Variants in NMBR observed in about 807,000 individuals in gnomAD.
NMBR encodes the protein neuromedin B receptor, also known as neuromedin-B receptor.
NMBR carries 16 observed loss-of-function variants against 20.5 expected under a neutral mutation model. That is an observed-to-expected ratio of 0.78 (90% CI 0.53 to 1.19). The LOEUF is 1.19. Among genes scored for constraint, NMBR ranks in the 50% most tolerant of loss-of-function variants. The probability of loss-of-function intolerance (pLI) is 0.00; values close to 1 mark genes in which losing one functional copy is unlikely to be tolerated. For synonymous variants in NMBR, 212 were observed against 196.6 expected, an observed-to-expected ratio of 1.08 and a Z score of -0.65; for missense variants, 582 against 499.1, an observed-to-expected ratio of 1.17 and a Z score of -1.58.
At chr6:142,106,614 C>G (rs1286655268) in intron 1 of NMBR, among the ~76,000 whole-genome samples, 1 of 152,136 alleles carries the variant, frequency 6.6e-6, no homozygotes, top group Non-Finnish European at 1.5e-5. Flanking sequence ...TTTCTTTTCC[C>G]CATTCAGACT....
chr6:142,081,854 G>GATAT, intron 2 of NMBR, among the ~76,000 whole-genome samples: 1 of 152,178 alleles, frequency 6.6e-6, no homozygotes, highest in Admixed American at 6.5e-5. Context: ...GTCTCAGGAG[G>GATAT]ATATCCCTAA....
At chr6:142,105,495 T>G (rs535050435) in intron 1 of NMBR, among the ~76,000 whole-genome samples, 7 of 152,236 alleles carry the variant, frequency 4.6e-5, no homozygotes, top group Non-Finnish European at 7.3e-5. Context: ...ATAAACCTTT[T>G]GTTTTACATT....
intron 1 of NMBR, among the ~76,000 whole-genome samples, chr6:142,128,116 C>T (rs1160339800): frequency 7.9e-5 from 12 of 151,884 alleles, no homozygotes; most frequent in Non-Finnish European, 1.5e-4. Flanking sequence ...AGTGAGTGCT[C>T]GTGAGATCTG....
At chr6:142,080,490 T>C (rs1204884506) in intron 2 of NMBR, among the ~76,000 whole-genome samples, 1 of 151,892 alleles carries the variant, frequency 6.6e-6, no homozygotes, top group Admixed American at 6.6e-5. Flanking sequence ...TTTGTATTTT[T>C]GTAGACAGGA....
intron 1 of NMBR, among the ~76,000 whole-genome samples, chr6:142,093,120 T>A (rs1418414370): frequency 1.3e-5 from 2 of 152,056 alleles, no homozygotes; most frequent in Admixed American, 6.6e-5. Context: ...AGAAACCTGA[T>A]GGTATCTTAG....
intron 1 of NMBR, among the ~76,000 whole-genome samples, chr6:142,089,586 G>C (rs1777282282): frequency 6.6e-6 from 1 of 152,034 alleles, no homozygotes; most frequent in South Asian, 2.1e-4. Flanking sequence ...ACCACCATTT[G>C]GCTTGTTATT....
At chr6:142,112,363 T>C (rs1468382397) in intron 1 of NMBR, among the ~76,000 whole-genome samples, 1 of 152,188 alleles carries the variant, frequency 6.6e-6, no homozygotes, top group Admixed American at 6.5e-5. Flanking sequence ...GGAAAGCACT[T>C]CATATAGGTG....
intron 1 of NMBR, among the ~76,000 whole-genome samples, chr6:142,098,648 A>G (rs970786483): frequency 3.9e-5 from 6 of 152,180 alleles, no homozygotes; most frequent in Non-Finnish European, 2.9e-5. Flanking sequence ...GGAAAATTAC[A>G]AAACTGAAGA....
chr6:142,125,368 T>C (rs546367237), intron 1 of NMBR, among the ~76,000 whole-genome samples: 51 of 152,010 alleles, frequency 3.4e-4, no homozygotes, highest in African/African-American at 1.2e-3. Flanking sequence ...TCTGAAGGAT[T>C]AAATATAAAT....
chr6:142,106,207 A>G (rs937073996), intron 1 of NMBR, among the ~76,000 whole-genome samples: 1 of 152,080 alleles, frequency 6.6e-6, no homozygotes, highest in African/African-American at 2.4e-5. Flanking sequence ...AGCTGTGAAG[A>G]CTGCAACTGG....
chr6:142,097,948 A>C (rs2114577666), intron 1 of NMBR, among the ~76,000 whole-genome samples: 1 of 152,222 alleles, frequency 6.6e-6, no homozygotes, highest in African/African-American at 2.4e-5. Context: ...CTGCAGGAGA[A>C]AAGGTAAGGT....
chr6:142,103,974 A>G (rs1252191668), intron 1 of NMBR, among the ~76,000 whole-genome samples: 1 of 152,140 alleles, frequency 6.6e-6, no homozygotes, highest in African/African-American at 2.4e-5. Flanking sequence ...AACCTCCTTA[A>G]AGATACCATA....
intron 1 of NMBR, among the ~76,000 whole-genome samples, chr6:142,106,266 G>A (rs1005266274): frequency 6.6e-6 from 1 of 152,174 alleles, no homozygotes; most frequent in Non-Finnish European, 1.5e-5. Context: ...AGGGAGAGCA[G>A]GGAAGAAGGG....
chr6:142,098,256 T>A (rs549958076), intron 1 of NMBR, among the ~76,000 whole-genome samples: 2 of 152,132 alleles, frequency 1.3e-5, no homozygotes, highest in Non-Finnish European at 2.9e-5. Flanking sequence ...CGAAACTATC[T>A]TGCTAACATC....
chr6:142,094,838 T>C (rs1348862463), intron 1 of NMBR, among the ~76,000 whole-genome samples: 1 of 152,160 alleles, frequency 6.6e-6, no homozygotes, highest in Non-Finnish European at 1.5e-5. Flanking sequence ...TGAGCAGTGG[T>C]TTGTAGTTCT....
At chr6:142,099,152 A>C (rs938290380) in intron 1 of NMBR, among the ~76,000 whole-genome samples, 1 of 152,184 alleles carries the variant, frequency 6.6e-6, no homozygotes, top group African/African-American at 2.4e-5. Context: ...CTCCACAAAA[A>C]TTCACGAAAA....
At chr6:142,123,057 C>T (rs949164079) in intron 1 of NMBR, among the ~76,000 whole-genome samples, 1 of 151,810 alleles carries the variant, frequency 6.6e-6, no homozygotes, top group African/African-American at 2.4e-5. Context: ...TAGATCTGGT[C>T]AAAGTAAATT....
intron 2 of NMBR, 40 bp from the exon 3 acceptor site, chr6:142,078,943 G>T: frequency 1.6e-6 from 2 of 1,227,222 alleles, no homozygotes; most frequent in Admixed American, 3.1e-5. Flanking sequence ...CAGAAAGAAA[G>T]GAAAGAAAAA....
At chr6:142,102,612 G>A (rs972797501) in intron 1 of NMBR, among the ~76,000 whole-genome samples, 1 of 152,080 alleles carries the variant, frequency 6.6e-6, no homozygotes, top group Non-Finnish European at 1.5e-5. Context: ...AACCATTAAA[G>A]CCTCCTAACA....
Sources: allele counts gnomAD v4.1 joint callset (sites outside exome capture counted in the v4.1 genomes callset), GRCh38; gene constraint gnomAD v4.1.1; transcripts MANE v1.5; gene names NCBI Gene and HGNC (gene_info 2026-07-23, HGNC 2026-07-21).